OTUD7A: variants seen among roughly 807,000 people sequenced by gnomAD.
OTUD7A encodes OTU deubiquitinase 7A.
OTUD7A carries 12 observed loss-of-function variants against 65.7 expected under a neutral mutation model. The observed-to-expected ratio is 0.18, with a 90% CI of 0.12 to 0.30. The LOEUF is 0.30. Among genes scored for constraint, OTUD7A ranks in the 10% least tolerant of loss-of-function variants. OTUD7A has a pLI of 1.00. For missense variants in OTUD7A, 1,148 were observed against 1,304.8 expected (o/e 0.88, Z 1.85); for synonymous variants, 641 against 586.3 (o/e 1.09, Z -1.35).
chr15:31,862,955 G>T (rs1473255752), intron 1 of OTUD7A, among the ~76,000 whole-genome samples: 1 of 152,170 alleles, frequency 6.6e-6, no homozygotes, highest in Admixed American at 6.5e-5. Context: ...ATACAATGGG[G>T]GTACAGGTAT....
rs1352115879 is a variant in OTUD7A, at chr15:31,808,131, ACACACAAAC to A, written c.-100+62367_-100+62375del. On this transcript the variant is annotated intron_variant, in intron 1 of 12. Coordinates refer to ENST00000307050, the MANE Select transcript of OTUD7A (RefSeq NM_001382637.1). ...CACACACACACACACACACACACACACACACAAACAAATCCTCACCAGGTTTTTCCTTCA... is the reference window on the plus strand; with the variant it reads ...CACACACACACACACACACACACACAAAATCCTCACCAGGTTTTTCCTTCA... Among the ~76,000 whole-genome samples, 401 of 115,588 alleles carry A rather than the reference ACACACAAAC, an allele frequency of 3.5e-3. 3 individuals are homozygous for A. The highest frequency in any genetic ancestry group is 0.011 in the African/African-American group (370 of 34,866). The allele number at this position is 115,588 out of a possible 152,430, so 75.8% of individuals were successfully genotyped here.
chr15:31,721,775 T>C (rs1717070647), intron 1 of OTUD7A, among the ~76,000 whole-genome samples: 2 of 152,202 alleles, frequency 1.3e-5, no homozygotes, highest in Admixed American at 1.3e-4. Flanking sequence ...TGAAAGTGTA[T>C]CCCACAGAGA....
chr15:31,821,948 G>A (rs572294042), intron 1 of OTUD7A, among the ~76,000 whole-genome samples: 4 of 152,074 alleles, frequency 2.6e-5, no homozygotes, highest in South Asian at 2.1e-4. Flanking sequence ...TTTTCTATTC[G>A]TTATTGAGCT....
intron 3 of OTUD7A, among the ~76,000 whole-genome samples, chr15:31,621,713 T>G (rs1377573931): frequency 2.0e-5 from 3 of 151,950 alleles, no homozygotes; most frequent in Non-Finnish European, 4.4e-5. Context: ...TCTTGACTCT[T>G]TATCCTATTT....
intron 1 of OTUD7A, among the ~76,000 whole-genome samples, chr15:31,866,382 G>A (rs759187731): frequency 3.3e-5 from 5 of 152,082 alleles, no homozygotes; most frequent in African/African-American, 9.7e-5. Context: ...AGCTAAACAC[G>A]CCTCCACAAC....
intron 1 of OTUD7A, among the ~76,000 whole-genome samples, chr15:31,731,545 G>A (rs780067979): frequency 2.0e-5 from 3 of 152,216 alleles, no homozygotes; most frequent in Non-Finnish European, 2.9e-5. Context: ...CCAGGGGCTA[G>A]AGGGAGGAAA....
intron 3 of OTUD7A, among the ~76,000 whole-genome samples, chr15:31,648,136 A>G (rs533703294): frequency 7.8e-4 from 118 of 152,246 alleles, no homozygotes; most frequent in Admixed American, 3.3e-3. Flanking sequence ...CATGCAAGGG[A>G]CTGATATGAA....
chr15:31,852,537 T>A (rs1476250078), intron 1 of OTUD7A, among the ~76,000 whole-genome samples: 1 of 152,206 alleles, frequency 6.6e-6, no homozygotes, highest in East Asian at 1.9e-4. Flanking sequence ...ACAAATAGCT[T>A]ATAATACACA....
intron 1 of OTUD7A, among the ~76,000 whole-genome samples, chr15:31,837,742 C>G (rs1423526643): frequency 6.6e-6 from 1 of 152,030 alleles, no homozygotes; most frequent in African/African-American, 2.4e-5. Flanking sequence ...TTATCAAAAT[C>G]CCAGCAAGGT....
chr15:31,766,306 G>T (rs777770309), intron 1 of OTUD7A: 1 of 1,605,398 alleles, frequency 6.2e-7, no homozygotes, highest in African/African-American at 1.3e-5. Context: ...TGACTCATTC[G>T]GGAAATCATA....
At chr15:31,801,111 A>G (rs1045770524) in intron 1 of OTUD7A, among the ~76,000 whole-genome samples, 1 of 152,008 alleles carries the variant, frequency 6.6e-6, no homozygotes, top group African/African-American at 2.4e-5. Context: ...TGGAAAGTAG[A>G]TATTCCCAGA....
At position 31,487,063 on chromosome 15, in the gene OTUD7A, T is replaced by C. The variant is rs2141065126; in HGVS notation, c.1371+131A>G. 1.2e-6 allele frequency: 1 copy of C among 834,080 alleles called. No individual in the cohort carries two copies. The highest frequency in any genetic ancestry group is 2.4e-5 in the Admixed American group (1 of 41,680). The allele number at this position is 834,080 out of a possible 1,614,324, so 51.7% of individuals were successfully genotyped here. A position where few individuals can be genotyped will look rare whatever the true frequency, so the allele number is the denominator to read the frequency against. ...TGGAGGAGCTACTGGGCTGTGGGTA[T>C]GGCTGGGGTGGGCGGCCGGGCAGGG... On this transcript the variant is annotated intron_variant, in intron 12 of 12. Transcript: ENST00000307050. The surrounding 1 kb of genome is among the most constrained non-coding windows in gnomAD (Gnocchi z 6.0).
At chr15:31,819,877 A>C (rs567366754) in intron 1 of OTUD7A, among the ~76,000 whole-genome samples, 9 of 152,148 alleles carry the variant, frequency 5.9e-5, no homozygotes, top group Non-Finnish European at 1.3e-4. Context: ...TATCAAAATT[A>C]TAATGACAGT....
At position 31,483,533 on chromosome 15, in the gene OTUD7A, A is replaced by T; in HGVS notation, c.2563T>A (p.Ser855Thr). The change falls in exon 13 of 13, where the codon TCG becomes ACG. Residue 855 changes from serine to threonine, a missense_variant. Physicochemically the swap from Ser to Thr is moderately conservative, Grantham distance 58 (BLOSUM62 1). Transcript: ENST00000307050. ...CCGAAGCCGTTGGTGTAGGTCTGCGACTTGTGCTCGGCCGCCCCCGCCGTC... is the reference window on the plus strand; with the variant it reads ...CCGAAGCCGTTGGTGTAGGTCTGCGTCTTGTGCTCGGCCGCCCCCGCCGTC... The part of the protein sequence containing the change: ...AGTAGAAEHK[S>T]QTYTNGFGAL... 1 of 1,374,186 alleles carries T rather than the reference A, an allele frequency of 7.3e-7. No homozygotes were observed. The allele number at this position is 1,374,186 out of a possible 1,614,324, so 85.1% of individuals were successfully genotyped here.
chr15:31,656,818 C>G (rs1359691208), intron 2 of OTUD7A, among the ~76,000 whole-genome samples, 165 bp downstream of exon 2: 2 of 152,000 alleles, frequency 1.3e-5, no homozygotes, highest in African/African-American at 4.8e-5. Flanking sequence ...TGTAGGAATG[C>G]AGGAAATGAG....
chr15:31,677,128 TCCCACTGCATC>T (rs1892611748), intron 1 of OTUD7A, among the ~76,000 whole-genome samples: 1 of 152,172 alleles, frequency 6.6e-6, no homozygotes, highest in South Asian at 2.1e-4. Context: ...GGCCCCAGTC[TCCCACTGCATC>T]CCCACTTCTC....
In OTUD7A at chr15:31,499,137, G is replaced by A. The variant is rs549884893; in HGVS notation, c.1171+2553C>T. ...GATGGGGCATGTAAACAGAGGAGGA[G>A]GAAGTGGGTGGTGGGAAGAAGGGAG... is the stretch of plus-strand genomic sequence containing the variant. On this transcript the variant is annotated intron_variant, in intron 10 of 12. Coordinates refer to ENST00000307050, the MANE Select transcript of OTUD7A (RefSeq NM_001382637.1). Among the ~76,000 whole-genome samples, 11 of 152,342 alleles carry A rather than the reference G, an allele frequency of 7.2e-5. No homozygotes were observed. The South Asian group carries it at 2.3e-3, about 32-fold the overall frequency.
At chr15:31,586,336 ACATACCTAT>A (rs1462722656) in intron 3 of OTUD7A, among the ~76,000 whole-genome samples, 1 of 152,214 alleles carries the variant, frequency 6.6e-6, no homozygotes, top group African/African-American at 2.4e-5. Flanking sequence ...TGAATAGCTC[ACATACCTAT>A]CAATTTACAA....
At position 31,482,175 on chromosome 15, in the gene OTUD7A, T is replaced by C. The variant is rs1262683192; in HGVS notation, c.*1119A>G. On this transcript the variant is annotated 3_prime_UTR_variant, in exon 13 of 13. Transcript: ENST00000307050. ...AGAGACCGCTCAGGGATCGGGCTGC[T>C]CCCTCATTGTGTCACGAGACGGAGG... 2.0e-5 allele frequency: 3 copies of C among 152,202 alleles called. No individual in the cohort carries two copies. Among genetic ancestry groups the C allele is most frequent in the African/African-American group, 7.2e-5 (3 of 41,462 alleles). 9.4% of individuals were successfully genotyped at this position (152,202 alleles called of 1,614,324 possible).
Sources: gnomAD v4.1 joint callset for allele counts (sites outside exome capture counted in the v4.1 genomes callset) on GRCh38, gnomAD v4.1.1 for gene constraint, Gnocchi (gnomAD v3.1) non-coding constraint, MANE v1.5 for transcripts, NCBI Gene and HGNC (gene_info 2026-07-23, HGNC 2026-07-21) for gene names.